The following PTPRD variants were observed in gnomAD, a reference collection of about 807,000 sequenced individuals.
PTPRD encodes receptor-type tyrosine-protein phosphatase delta.
A neutral mutation model predicts 214.5 loss-of-function variants in PTPRD; 34 were observed. The observed-to-expected ratio is 0.16, with a 90% CI of 0.12 to 0.21. The LOEUF (loss-of-function observed/expected upper bound fraction) is 0.21, where lower values mean the gene tolerates loss of function less well. PTPRD is among the 10% of genes least tolerant of loss of function. The pLI is 1.00. For synonymous variants in PTPRD, 1,128 were observed against 845.7 expected (o/e 1.33, Z -5.79); for missense variants, 2,545 against 2,398.7 (o/e 1.06, Z -1.27).
chr9:8,842,596 T>C (rs1156541550), intron 11 of PTPRD, among the ~76,000 whole-genome samples: 1 of 152,054 alleles, frequency 6.6e-6, no homozygotes, highest in Admixed American at 6.6e-5. Flanking sequence ...GTTAAAGTGT[T>C]AGGCTCAGTA....
chr9:8,437,521 CA>C (rs1173869624), intron 34 of PTPRD, among the ~76,000 whole-genome samples: 1 of 152,154 alleles, frequency 6.6e-6, no homozygotes. Context: ...AATCAGACAC[CA>C]AACTGAGCTT....
intron 8 of PTPRD, among the ~76,000 whole-genome samples, chr9:9,434,495 A>T (rs934401629): frequency 3.3e-5 from 5 of 152,164 alleles, no homozygotes; most frequent in African/African-American, 1.2e-4. Context: ...GACAATACCA[A>T]CTTCTTCACA....
At chr9:9,171,279 T>C (rs1472249050) in intron 10 of PTPRD, among the ~76,000 whole-genome samples, 1 of 151,770 alleles carries the variant, frequency 6.6e-6, no homozygotes. Flanking sequence ...CAATTCATTT[T>C]CCCTGTAAAA....
At chr9:9,244,306 C>G (rs185239085) in intron 9 of PTPRD, among the ~76,000 whole-genome samples, 13 of 151,972 alleles carry the variant, frequency 8.6e-5, no homozygotes, top group South Asian at 2.1e-4. Context: ...CATATGGAAC[C>G]AAAAAAGAGC....
At chr9:8,949,468 C>A (rs1393737064) in intron 11 of PTPRD, among the ~76,000 whole-genome samples, 1 of 151,118 alleles carries the variant, frequency 6.6e-6, no homozygotes, top group Non-Finnish European at 1.5e-5. Flanking sequence ...AAAAATGCAG[C>A]TGGATTAGTC....
chr9:10,534,723 A>C (rs377466546), intron 2 of PTPRD, among the ~76,000 whole-genome samples: 9 of 152,276 alleles, frequency 5.9e-5, no homozygotes, highest in African/African-American at 2.2e-4. Flanking sequence ...AGAAGAAAAA[A>C]AAGCAGATTA....
At chr9:9,070,731 T>C (rs1267852444) in intron 10 of PTPRD, among the ~76,000 whole-genome samples, 2 of 152,198 alleles carry the variant, frequency 1.3e-5, no homozygotes, top group African/African-American at 4.8e-5. Flanking sequence ...ACTTTGGCAT[T>C]GTATGGAAAT....
At chr9:10,161,347 C>T (rs2099126058) in intron 3 of PTPRD, among the ~76,000 whole-genome samples, 1 of 151,772 alleles carries the variant, frequency 6.6e-6, no homozygotes, top group Non-Finnish European at 1.5e-5. Context: ...TAAAACCAGA[C>T]ACATACATCA....
intron 14 of PTPRD, among the ~76,000 whole-genome samples, chr9:8,536,777 C>T (rs1413396735): frequency 6.6e-6 from 1 of 151,974 alleles, no homozygotes; most frequent in Non-Finnish European, 1.5e-5. Context: ...TACCCTATGA[C>T]TTTGGGCCAC....
intron 6 of PTPRD, among the ~76,000 whole-genome samples, chr9:9,745,020 A>T (rs16930186): frequency 6.6e-6 from 1 of 152,122 alleles, no homozygotes; most frequent in Admixed American, 6.6e-5. Flanking sequence ...TGTAGAGCAA[A>T]TAAGTGATTT....
chr9:9,534,759 A>G (rs1447456953), intron 8 of PTPRD, among the ~76,000 whole-genome samples: 1 of 151,694 alleles, frequency 6.6e-6, no homozygotes, highest in African/African-American at 2.4e-5. Flanking sequence ...GTACATAGTC[A>G]TGCAGGACCA....
At chr9:10,492,796 T>C (rs1195283623) in intron 2 of PTPRD, among the ~76,000 whole-genome samples, 1 of 152,130 alleles carries the variant, frequency 6.6e-6, no homozygotes. Flanking sequence ...CATGTCTATG[T>C]CCTGAGTGGT....
intron 5 of PTPRD, among the ~76,000 whole-genome samples, chr9:9,896,711 A>G (rs1428593953): frequency 6.6e-6 from 1 of 152,140 alleles, no homozygotes; most frequent in African/African-American, 2.4e-5. Flanking sequence ...TAAAGAACAT[A>G]TCAGAAAATA....
At chr9:8,807,428 C>G (rs1376232724) in intron 11 of PTPRD, among the ~76,000 whole-genome samples, 1 of 152,158 alleles carries the variant, frequency 6.6e-6, no homozygotes, top group African/African-American at 2.4e-5. Flanking sequence ...TTTGGAGATA[C>G]AAACCACTGC....
At chr9:9,453,629 G>A (rs2092576392) in intron 8 of PTPRD, among the ~76,000 whole-genome samples, 1 of 151,634 alleles carries the variant, frequency 6.6e-6, no homozygotes, top group Non-Finnish European at 1.5e-5. Flanking sequence ...GCAGGAATAT[G>A]AGGTGTATAT....
intron 35 of PTPRD, among the ~76,000 whole-genome samples, chr9:8,426,785 A>G (rs1400184079): frequency 6.7e-6 from 1 of 148,532 alleles, no homozygotes. Flanking sequence ...GTTAGTAAAG[A>G]AAATGTCTGA....
intron 2 of PTPRD, among the ~76,000 whole-genome samples, chr9:10,416,200 T>G (rs2098485671): frequency 6.7e-6 from 1 of 149,850 alleles, no homozygotes; most frequent in African/African-American, 2.5e-5. Context: ...AAAAAAAAAT[T>G]AGAAAAAATT....
At chr9:8,864,659 C>T (rs59206848) in intron 11 of PTPRD, among the ~76,000 whole-genome samples, 1,647 of 152,250 alleles carry the variant, frequency 0.011, 25 homozygotes, top group African/African-American at 0.038. Flanking sequence ...TTGCAGGGAG[C>T]GCATTCCTAT....
chr9:10,058,343 A>C (rs559528327), intron 3 of PTPRD, among the ~76,000 whole-genome samples: 23 of 152,224 alleles, frequency 1.5e-4, no homozygotes, highest in African/African-American at 5.3e-4. Context: ...GCCAATCGAT[A>C]GCTATGTTAT....
Sources: gnomAD v4.1 joint callset for allele counts (sites outside exome capture counted in the v4.1 genomes callset) on GRCh38, gnomAD v4.1.1 for gene constraint, MANE v1.5 for transcripts, NCBI Gene and HGNC (gene_info 2026-07-23, HGNC 2026-07-21) for gene names.